GPC5: variants seen among roughly 807,000 people sequenced by gnomAD.
The protein encoded by GPC5 is glypican-5.
A neutral mutation model predicts 53.9 loss-of-function variants in GPC5; 47 were observed. That is an observed-to-expected ratio of 0.87 (90% CI 0.69 to 1.11). The LOEUF is 1.11. Among genes scored for constraint, GPC5 ranks in the 50% most tolerant of loss-of-function variants. GPC5 has a pLI of 0.00. For missense variants in GPC5, 748 were observed against 713.1 expected (o/e 1.05, Z -0.56); for synonymous variants, 286 against 263.3 (o/e 1.09, Z -0.84).
chr13:92,681,243 T>C (rs957027785), intron 7 of GPC5, among the ~76,000 whole-genome samples: 1 of 152,174 alleles, frequency 6.6e-6, no homozygotes, highest in African/African-American at 2.4e-5. Context: ...TAAAATATCA[T>C]GTCTGGTATA....
At chr13:92,370,874 G>C (rs1277311329) in intron 7 of GPC5, among the ~76,000 whole-genome samples, 4 of 152,140 alleles carry the variant, frequency 2.6e-5, no homozygotes, top group African/African-American at 9.7e-5. Flanking sequence ...GCTGGGCACA[G>C]TGGGTGGCTC....
intron 7 of GPC5, among the ~76,000 whole-genome samples, chr13:92,405,202 C>A (rs1308768940): frequency 1.3e-5 from 2 of 152,178 alleles, no homozygotes; most frequent in Non-Finnish European, 2.9e-5. Flanking sequence ...AAGGCAAAAA[C>A]CAACCCCAGA....
chr13:92,194,546 A>T (rs1211476215), intron 7 of GPC5, among the ~76,000 whole-genome samples: 1 of 152,256 alleles, frequency 6.6e-6, no homozygotes, highest in Non-Finnish European at 1.5e-5. Context: ...GTCTTATAAT[A>T]CTTTTGCATA....
intron 7 of GPC5, among the ~76,000 whole-genome samples, chr13:92,719,223 T>C (rs1363394184): frequency 6.6e-6 from 1 of 150,602 alleles, no homozygotes; most frequent in Non-Finnish European, 1.5e-5. Context: ...CTTATCTGAT[T>C]CCCAGGTTAT....
At chr13:92,036,823 T>C (rs1364432609) in intron 6 of GPC5, among the ~76,000 whole-genome samples, 1 of 152,222 alleles carries the variant, frequency 6.6e-6, no homozygotes, top group Non-Finnish European at 1.5e-5. Context: ...GTTATACTTG[T>C]CTTCATTAGT....
intron 7 of GPC5, among the ~76,000 whole-genome samples, chr13:92,454,193 G>C (rs1878176188): frequency 6.6e-6 from 1 of 150,384 alleles, no homozygotes; most frequent in South Asian, 2.1e-4. Context: ...CTCCAGGTTT[G>C]TGATGAGTTT....
intron 7 of GPC5, among the ~76,000 whole-genome samples, chr13:92,146,756 CA>C (rs1409405988): frequency 2.6e-5 from 4 of 152,066 alleles, no homozygotes; most frequent in African/African-American, 9.7e-5. Flanking sequence ...TGAGAAAATA[CA>C]ATGTTTGGTT....
At chr13:92,457,754 T>G (rs1353549592) in intron 7 of GPC5, among the ~76,000 whole-genome samples, 1 of 152,210 alleles carries the variant, frequency 6.6e-6, no homozygotes, top group Non-Finnish European at 1.5e-5. Context: ...TTTTAATATT[T>G]TTGTAACTCT....
At chr13:92,756,110 C>A (rs1217235242) in intron 7 of GPC5, among the ~76,000 whole-genome samples, 2 of 151,658 alleles carry the variant, frequency 1.3e-5, no homozygotes, top group African/African-American at 4.8e-5. Flanking sequence ...AATCCAGCAG[C>A]ACATCAAAAA....
At chr13:91,440,395 A>G (rs539707629) in intron 1 of GPC5, among the ~76,000 whole-genome samples, 25 of 152,260 alleles carry the variant, frequency 1.6e-4, no homozygotes, top group African/African-American at 6.0e-4. Context: ...TCAGCTTTCA[A>G]GCTCATACAG....
At chr13:91,969,885 A>G (rs1336019643) in intron 6 of GPC5, among the ~76,000 whole-genome samples, 1 of 152,160 alleles carries the variant, frequency 6.6e-6, no homozygotes, top group Non-Finnish European at 1.5e-5. Flanking sequence ...TGGTGAGGAT[A>G]TGGAGAAAAG....
chr13:92,432,296 G>A (rs1877122656), intron 7 of GPC5, among the ~76,000 whole-genome samples: 1 of 150,772 alleles, frequency 6.6e-6, no homozygotes, highest in Non-Finnish European at 1.5e-5. Context: ...CTCAGTCAAT[G>A]GTATTTTTTT....
chr13:92,544,933 T>A (rs548521081), intron 7 of GPC5, among the ~76,000 whole-genome samples: 1 of 152,050 alleles, frequency 6.6e-6, no homozygotes, highest in African/African-American at 2.4e-5. Flanking sequence ...ATTTTTTTTA[T>A]TATACTTTAA....
At chr13:91,903,897 C>A (rs150770164) in intron 5 of GPC5, among the ~76,000 whole-genome samples, 179 of 151,972 alleles carry the variant, frequency 1.2e-3, no homozygotes, top group African/African-American at 4.3e-3. Flanking sequence ...ACTTTTCTGG[C>A]CTGTAAGTAA....
At chr13:92,520,487 A>G (rs1285494654) in intron 7 of GPC5, among the ~76,000 whole-genome samples, 10 of 152,192 alleles carry the variant, frequency 6.6e-5, no homozygotes, top group Non-Finnish European at 1.2e-4. Flanking sequence ...ACACAAATCA[A>G]TAAACATAAT....
chr13:92,180,303 T>C (rs1033037213), intron 7 of GPC5, among the ~76,000 whole-genome samples: 2 of 152,212 alleles, frequency 1.3e-5, no homozygotes, highest in Non-Finnish European at 2.9e-5. Context: ...AGAAATTCCA[T>C]AATCTTTAAA....
chr13:92,472,733 A>C (rs1878959239), intron 7 of GPC5, among the ~76,000 whole-genome samples: 1 of 152,150 alleles, frequency 6.6e-6, no homozygotes, highest in South Asian at 2.1e-4. Flanking sequence ...TTGTAAGTTT[A>C]AGCATTTTAG....
intron 5 of GPC5, among the ~76,000 whole-genome samples, chr13:91,862,801 A>G (rs1284533707): frequency 6.6e-6 from 1 of 152,168 alleles, no homozygotes; most frequent in Non-Finnish European, 1.5e-5. Flanking sequence ...AATGTTTCAT[A>G]GCAAAAGGAT....
chr13:91,603,760 A>G (rs1241437984), intron 2 of GPC5, among the ~76,000 whole-genome samples: 2 of 152,142 alleles, frequency 1.3e-5, no homozygotes, highest in Non-Finnish European at 2.9e-5. Context: ...GAGAACATAC[A>G]ATATGGACTT....
Sources: allele counts gnomAD v4.1 joint callset (sites outside exome capture counted in the v4.1 genomes callset), GRCh38; gene constraint gnomAD v4.1.1; transcripts MANE v1.5; gene names NCBI Gene and HGNC (gene_info 2026-07-23, HGNC 2026-07-21).